Variants in POLR2F observed in about 807,000 individuals in gnomAD.
POLR2F encodes the protein RNA polymerase II, I and III subunit F.
Under a neutral mutation model 22.7 loss-of-function variants are expected in POLR2F, and 12 were observed. The ratio of observed to expected loss-of-function variants is 0.53; its 90% CI spans 0.34 to 0.86. POLR2F has a LOEUF of 0.86. Ranked by LOEUF, POLR2F falls within the 40% of genes least tolerant of loss-of-function variation. POLR2F has a pLI of 0.02. For synonymous variants in POLR2F, 57 were observed against 66.0 expected, an observed-to-expected ratio of 0.86 and a Z score of 0.66; for missense variants, 126 against 171.5, an observed-to-expected ratio of 0.73 and a Z score of 1.48.
At chr22:37,967,039 C>T (rs1405616855) in intron 3 of POLR2F, 60 bp from the exon 4 acceptor site, 14 of 1,261,306 alleles carry the variant, frequency 1.1e-5, no homozygotes, top group East Asian at 4.8e-5. Context: ...ACCCTCACTG[C>T]CTGTTGGGCC....
At chr22:38,039,648 C>T (rs1348835910) in intron 5 of POLR2F, among the ~76,000 whole-genome samples, 1 of 152,234 alleles carries the variant, frequency 6.6e-6, no homozygotes, top group Non-Finnish European at 1.5e-5. Context: ...CACCCCTGCA[C>T]CAGCCCTGCC....
At chr22:37,998,980 A>C (rs1271056917) in intron 1 of POLR2F, among the ~76,000 whole-genome samples, 1 of 151,442 alleles carries the variant, frequency 6.6e-6, no homozygotes, top group Admixed American at 6.6e-5. Context: ...GCTTTTCACC[A>C]CAGATGCGCC....
upstream of POLR2F, chr22:37,983,987 G>T (rs1474310410): frequency 2.6e-5 from 9 of 341,274 alleles, no homozygotes; most frequent in Non-Finnish European, 4.2e-5. The surrounding 1 kb of genome is among the most constrained non-coding windows in gnomAD (Gnocchi z 9.5). Flanking sequence ...AACCCATCTG[G>T]CCCCTGGGGC....
intron 5 of POLR2F, among the ~76,000 whole-genome samples, chr22:38,035,449 G>C (rs2085106237): frequency 6.6e-6 from 1 of 152,188 alleles, no homozygotes; most frequent in African/African-American, 2.4e-5. Flanking sequence ...TGGGAATCAG[G>C]GGTCGCTCTC....
chr22:38,022,996 A>T (rs1265077318), intron 1 of POLR2F, among the ~76,000 whole-genome samples: 1 of 152,206 alleles, frequency 6.6e-6, no homozygotes, highest in Non-Finnish European at 1.5e-5. Context: ...GGGCGACAAG[A>T]ACAAGACTCT....
downstream of POLR2F, among the ~76,000 whole-genome samples, chr22:38,029,353 A>G (rs1258928141): frequency 1.3e-5 from 2 of 152,176 alleles, no homozygotes; most frequent in Admixed American, 6.5e-5. Flanking sequence ...TTAGTTCAAC[A>G]AGCACCTCCT....
upstream of POLR2F, chr22:37,983,957 G>A (rs947122321): frequency 2.2e-5 from 9 of 406,748 alleles, no homozygotes; most frequent in African/African-American, 1.1e-4. This position sits in a 1 kb window ranked among gnomAD's most constrained non-coding sequence, Gnocchi z 9.5. Flanking sequence ...CCGAGGTGGC[G>A]GCCCTTCCTG....
chr22:37,999,422 G>T lies in POLR2F; in HGVS notation c.120+13110G>T, dbSNP rs186681297. ...CTGTGGCAGCCTCAGCCTGGCCTGT[G>T]GTCACTGAGGACCAGCAGGTCTCCT... On this transcript the variant is annotated intron_variant, in intron 1 of 2. Coordinates refer to the POLR2F transcript ENST00000333418. Among the ~76,000 whole-genome samples, 275 of 152,250 alleles carry T rather than the reference G, an allele frequency of 1.8e-3. 1 individual carries two copies. Among genetic ancestry groups the T allele is most frequent in the Non-Finnish European group, 3.1e-3 (212 of 67,998 alleles).
intron 3 of POLR2F, among the ~76,000 whole-genome samples, chr22:37,966,682 T>C (rs994004249): frequency 3.3e-5 from 5 of 152,048 alleles, no homozygotes; most frequent in African/African-American, 1.2e-4. Context: ...GGAGAATTGC[T>C]TGAGCCTGGG....
exon 6 of POLR2F, chr22:38,041,078 C>G: frequency 6.2e-7 from 1 of 1,612,922 alleles, no homozygotes; most frequent in Middle Eastern, 1.6e-4. Context: ...GAGGCGGCGG[C>G]TCAGAGAGGA....
chr22:37,967,569 G>A lies in POLR2F; in HGVS notation c.294-56G>A, dbSNP rs769667046. On this transcript the variant is annotated intron_variant, in intron 4 of 4. Transcript: ENST00000442738. ...GTTTTGCACACAATCTGTTCCTTCT[G>A]CGGCAGAGCTGGGGTCACCAGCCCT... The A allele has an allele frequency of 4.4e-6, 7 of 1,600,278 alleles. No individual in the cohort carries two copies. In the East Asian group the frequency reaches 1.6e-4, roughly 36 times the overall value.
At position 37,967,104 on chromosome 22, in the gene POLR2F, G is replaced by C; in HGVS notation, c.227G>C (p.Cys76Ser). The C allele has an allele frequency of 6.2e-7, 1 of 1,611,888 alleles. No homozygotes were observed. Among genetic ancestry groups the C allele is most frequent in the Non-Finnish European group, 8.5e-7 (1 of 1,178,362 alleles). ...LGTRALQIAM[C>S]APVMVELEGE... Reference sequence around the variant, plus strand: ...ACCTGTCCCTATCCCTACAGGATGTGTGCCCCTGTGATGGTGGAGCTGGAG... The same window carrying C: ...ACCTGTCCCTATCCCTACAGGATGTCTGCCCCTGTGATGGTGGAGCTGGAG... Residue 76 changes from cysteine (C) to serine (S), a missense_variant, in exon 4 of 5, where the codon TGT becomes TCT. Physicochemically the swap from Cys to Ser is moderately radical, Grantham distance 112 (BLOSUM62 -1). Transcript: ENST00000442738.
At chr22:37,989,533 T>C (rs1369115766) in intron 1 of POLR2F, among the ~76,000 whole-genome samples, 1 of 152,218 alleles carries the variant, frequency 6.6e-6, no homozygotes, top group Non-Finnish European at 1.5e-5. Flanking sequence ...TCCTCTGCCA[T>C]GCCCCTTAAC....
At chr22:37,984,866 G>A (rs1270804536), upstream of POLR2F, among the ~76,000 whole-genome samples, 1 of 152,146 alleles carries the variant, frequency 6.6e-6, no homozygotes, top group African/African-American at 2.4e-5. This position sits in a 1 kb window ranked among gnomAD's most constrained non-coding sequence, Gnocchi z 4.4. Flanking sequence ...GACTCCTAAC[G>A]TCTGCCTCAG....
rs1025979332 is a variant in POLR2F, at chr22:37,997,983, C to T, written c.120+11671C>T. Among the ~76,000 whole-genome samples, 1 of 152,194 alleles carries T rather than the reference C, an allele frequency of 6.6e-6. No individual in the cohort carries two copies. The highest frequency in any genetic ancestry group is 2.4e-5 in the African/African-American group (1 of 41,446). ...AAGAGCAGGTGTTTGTGTCCCCTTC[C>T]GGTGAGAGCTTTCCAGCGCCCAGAG... On this transcript the variant is annotated intron_variant, in intron 1 of 2. Transcript: ENST00000333418. The surrounding 1 kb of genome is among the most constrained non-coding windows in gnomAD (Gnocchi z 4.4).
intron 3 of POLR2F, among the ~76,000 whole-genome samples, chr22:37,961,181 A>G (rs1440279839): frequency 6.6e-6 from 1 of 152,060 alleles, no homozygotes; most frequent in Non-Finnish European, 1.5e-5. Flanking sequence ...CAACCTCCCA[A>G]GTAGCTTCAA....
At chr22:37,998,006 G>A (rs532476983) in intron 1 of POLR2F, among the ~76,000 whole-genome samples, 160 of 152,210 alleles carry the variant, frequency 1.1e-3, no homozygotes, top group Non-Finnish European at 1.7e-3. Flanking sequence ...CCAGCGCCCA[G>A]AGAGCCAAGA....
chr22:38,027,766 CG>C (rs537332899), downstream of POLR2F, among the ~76,000 whole-genome samples: 64 of 152,302 alleles, frequency 4.2e-4, no homozygotes, highest in East Asian at 3.5e-3. Context: ...ATGAACTCCT[CG>C]GTGTCTTCCC....
chr22:38,041,271 T>G, downstream of POLR2F: 33 of 935,668 alleles, frequency 3.5e-5, no homozygotes, highest in Non-Finnish European at 3.2e-5. Context: ...GGAGGGAGGT[T>G]TCCAGGACAC....
Sources: allele counts gnomAD v4.1 joint callset (sites outside exome capture counted in the v4.1 genomes callset), GRCh38; gene constraint gnomAD v4.1.1; non-coding constraint Gnocchi (gnomAD v3.1); transcripts MANE v1.5; gene names NCBI Gene and HGNC (gene_info 2026-07-23, HGNC 2026-07-21).